GABRB1: variants seen among roughly 807,000 people sequenced by gnomAD.
GABRB1 encodes gamma-aminobutyric acid type A receptor subunit beta1.
In GABRB1, 17 loss-of-function variants were observed where a neutral mutation model predicts 51.6. The ratio of observed to expected loss-of-function variants is 0.33; its 90% confidence interval spans 0.23 to 0.49. GABRB1 has a LOEUF of 0.49. GABRB1 is among the 20% of genes least tolerant of loss of function. The pLI is 0.99. For missense variants in GABRB1, 410 were observed against 600.6 expected, an observed-to-expected ratio of 0.68 and a Z score of 3.32; for synonymous variants, 247 against 218.9, an observed-to-expected ratio of 1.13 and a Z score of -1.14.
intron 4 of GABRB1, among the ~76,000 whole-genome samples, chr4:47,195,675 A>T (rs1045840555): frequency 1.3e-5 from 2 of 152,162 alleles, no homozygotes; most frequent in African/African-American, 4.8e-5. Flanking sequence ...GCAGAACAAT[A>T]ATGTATTGAT....
chr4:47,322,751 G>T (rs4695213), intron 5 of GABRB1, among the ~76,000 whole-genome samples: 1 of 151,938 alleles, frequency 6.6e-6, no homozygotes, highest in Non-Finnish European at 1.5e-5. Flanking sequence ...AGGGTGGATC[G>T]CCTGAGGTCA....
chr4:47,139,585 A>C (rs966084908), intron 3 of GABRB1, among the ~76,000 whole-genome samples: 6 of 152,020 alleles, frequency 3.9e-5, no homozygotes, highest in Admixed American at 1.3e-4. Flanking sequence ...CAAATCATAG[A>C]ATCACGACTA....
At chr4:47,187,459 T>C (rs545004724) in intron 4 of GABRB1, among the ~76,000 whole-genome samples, 1 of 152,038 alleles carries the variant, frequency 6.6e-6, no homozygotes, top group East Asian at 1.9e-4. Flanking sequence ...ACAACAGCAG[T>C]TCCTTGGGAT....
chr4:47,098,232 T>G (rs1264160426), intron 3 of GABRB1, among the ~76,000 whole-genome samples: 1 of 151,926 alleles, frequency 6.6e-6, no homozygotes, highest in African/African-American at 2.4e-5. Context: ...CTCTTTATTT[T>G]CATTTCAACT....
intron 4 of GABRB1, among the ~76,000 whole-genome samples, chr4:47,264,403 G>C (rs1722567957): frequency 6.6e-6 from 1 of 152,174 alleles, no homozygotes; most frequent in Non-Finnish European, 1.5e-5. Flanking sequence ...GAGAAAGCAA[G>C]GAATTAAATG....
chr4:47,073,606 G>T (rs546589055), intron 3 of GABRB1, among the ~76,000 whole-genome samples: 2 of 152,240 alleles, frequency 1.3e-5, no homozygotes, highest in South Asian at 2.1e-4. Flanking sequence ...TTGGCCTTTT[G>T]TCTATACTTT....
intron 4 of GABRB1, among the ~76,000 whole-genome samples, chr4:47,169,120 C>T (rs1313252066): frequency 1.3e-5 from 2 of 152,046 alleles, no homozygotes; most frequent in African/African-American, 2.4e-5. Flanking sequence ...ATGAATTTGA[C>T]GAGACACAAT....
At chr4:47,283,700 T>C (rs1394916047) in intron 4 of GABRB1, among the ~76,000 whole-genome samples, 1 of 151,906 alleles carries the variant, frequency 6.6e-6, no homozygotes, top group Non-Finnish European at 1.5e-5. Flanking sequence ...TGGGGGCTAC[T>C]TTTTAGGGGA....
chr4:47,376,114 C>T (rs1265222485), intron 5 of GABRB1, among the ~76,000 whole-genome samples: 1 of 152,106 alleles, frequency 6.6e-6, no homozygotes, highest in Non-Finnish European at 1.5e-5. Context: ...AGTGGAAATA[C>T]TATCCAAGAA....
intron 3 of GABRB1, among the ~76,000 whole-genome samples, chr4:47,083,235 GATA>G (rs1369040712): frequency 6.6e-6 from 1 of 152,090 alleles, no homozygotes; most frequent in East Asian, 1.9e-4. Flanking sequence ...CTCAAGCCTT[GATA>G]ATGTCCTCCA....
At chr4:47,101,999 C>T (rs1177485985) in intron 3 of GABRB1, among the ~76,000 whole-genome samples, 2 of 151,932 alleles carry the variant, frequency 1.3e-5, no homozygotes, top group South Asian at 2.1e-4. Flanking sequence ...TTTGTCAGAG[C>T]TCAAATAAAC....
At chr4:47,421,028 G>A (rs895405370) in intron 8 of GABRB1, among the ~76,000 whole-genome samples, 2 of 151,522 alleles carry the variant, frequency 1.3e-5, no homozygotes, top group African/African-American at 2.4e-5. Flanking sequence ...GGGTAAGAAA[G>A]AAAATGGAAG....
chr4:47,133,714 A>G (rs1179823945), intron 3 of GABRB1, among the ~76,000 whole-genome samples: 2 of 152,194 alleles, frequency 1.3e-5, no homozygotes, highest in Non-Finnish European at 2.9e-5. Context: ...TTTTAGCAGG[A>G]CTATCACAGA....
chr4:47,141,940 A>T (rs1442101), intron 3 of GABRB1, among the ~76,000 whole-genome samples: 121 of 151,922 alleles, frequency 8.0e-4, no homozygotes, highest in African/African-American at 2.8e-3. Context: ...GTTTGCCTGG[A>T]TTATGTACTA....
chr4:47,069,385 C>T (rs998632708), intron 3 of GABRB1, among the ~76,000 whole-genome samples: 3 of 152,188 alleles, frequency 2.0e-5, no homozygotes, highest in Non-Finnish European at 4.4e-5. Flanking sequence ...TCTGTTCAGT[C>T]CTCCAATGAA....
At chr4:47,290,383 A>C (rs1723680740) in intron 4 of GABRB1, among the ~76,000 whole-genome samples, 1 of 152,204 alleles carries the variant, frequency 6.6e-6, no homozygotes, top group African/African-American at 2.4e-5. Context: ...CCTCCACCAC[A>C]TGGAAATGTA....
At chr4:47,080,617 A>G (rs891167387) in intron 3 of GABRB1, among the ~76,000 whole-genome samples, 2 of 152,082 alleles carry the variant, frequency 1.3e-5, no homozygotes, top group African/African-American at 4.8e-5. Flanking sequence ...AGGTCTTGCT[A>G]TTTTGCCTAG....
intron 4 of GABRB1, among the ~76,000 whole-genome samples, chr4:47,201,361 G>T (rs936251754): frequency 1.3e-5 from 2 of 152,106 alleles, no homozygotes; most frequent in African/African-American, 4.8e-5. Flanking sequence ...CTGTTTTGGG[G>T]CAGGCACTCA....
At chr4:47,335,462 G>A (rs942056593) in intron 5 of GABRB1, among the ~76,000 whole-genome samples, 1 of 151,926 alleles carries the variant, frequency 6.6e-6, no homozygotes, top group African/African-American at 2.4e-5. Context: ...TACTCTCCCT[G>A]TTGTCCATCT....
Sources: allele counts gnomAD v4.1 joint callset (sites outside exome capture counted in the v4.1 genomes callset), GRCh38; gene constraint gnomAD v4.1.1; transcripts MANE v1.5; gene names NCBI Gene and HGNC (gene_info 2026-07-23, HGNC 2026-07-21).